The following FECH variants were observed in gnomAD, a reference collection of about 807,000 sequenced individuals.
The protein encoded by FECH is ferrochelatase.
A neutral mutation model predicts 56.9 loss-of-function variants in FECH; 40 were observed. The ratio of observed to expected loss-of-function variants is 0.70; its 90% CI spans 0.55 to 0.92. FECH has a LOEUF of 0.92. Ranked by LOEUF, FECH falls within the 40% of genes least tolerant of loss-of-function variation. The pLI is 0.00. For missense variants in FECH, 431 were observed against 529.1 expected, an observed-to-expected ratio of 0.81 and a Z score of 1.82; for synonymous variants, 175 against 198.6, an observed-to-expected ratio of 0.88 and a Z score of 1.00.
intron 2 of FECH, among the ~76,000 whole-genome samples, chr18:57,577,601 C>T (rs930450355): frequency 6.6e-6 from 1 of 152,094 alleles, no homozygotes; most frequent in Non-Finnish European, 1.5e-5. Context: ...GAATGTTGGT[C>T]AAGGTAGTTT....
At chr18:57,576,789 G>A (rs2051191674) in intron 2 of FECH, among the ~76,000 whole-genome samples, 2 of 152,150 alleles carry the variant, frequency 1.3e-5, no homozygotes, top group African/African-American at 4.8e-5. Flanking sequence ...GATGAATAGC[G>A]CATTAGTAAG....
At chr18:57,562,600 G>T (rs1198318999) in intron 6 of FECH, among the ~76,000 whole-genome samples, 2 of 152,092 alleles carry the variant, frequency 1.3e-5, no homozygotes, top group Non-Finnish European at 2.9e-5. Context: ...TGCTCTTCTG[G>T]TCATAGGAAA....
intron 5 of FECH, among the ~76,000 whole-genome samples, chr18:57,564,146 G>A (rs565778950): frequency 1.3e-5 from 2 of 152,292 alleles, no homozygotes; most frequent in South Asian, 2.1e-4. Flanking sequence ...CCAAAGTGCT[G>A]GGATTACAGG....
intron 7 of FECH, among the ~76,000 whole-genome samples, chr18:57,557,134 C>T (rs936946260): frequency 6.6e-6 from 1 of 151,986 alleles, no homozygotes; most frequent in Non-Finnish European, 1.5e-5. Context: ...GGTTTCTCAG[C>T]GTTGGTAACT....
chr18:57,568,746 A>T (rs1247694019), intron 4 of FECH, among the ~76,000 whole-genome samples: 1 of 152,172 alleles, frequency 6.6e-6, no homozygotes, highest in African/African-American at 2.4e-5. Context: ...AACAGCAAAA[A>T]CTTCATTAAT....
At chr18:57,572,598 G>GT (rs1321545875) in intron 3 of FECH, among the ~76,000 whole-genome samples, 9 of 136,962 alleles carry the variant, frequency 6.6e-5, no homozygotes, top group South Asian at 2.5e-4. Flanking sequence ...TGGGGGGGGG[G>GT]GTGTGCATGT....
intron 6 of FECH, 88 bp from the exon 7 acceptor site, chr18:57,559,331 C>T (rs1051338708): frequency 2.1e-5 from 20 of 966,666 alleles, no homozygotes; most frequent in Non-Finnish European, 3.1e-5. Context: ...GAAGCCTACA[C>T]CAAAAATCTC....
rs535120428 is a variant in FECH, at chr18:57,575,927, C to T, written c.195-2562G>A. Among the ~76,000 whole-genome samples, 203 of 152,272 alleles carry T rather than the reference C, an allele frequency of 1.3e-3. 2 individuals are homozygous for T. Among genetic ancestry groups the T allele is most frequent in the African/African-American group, 4.6e-3 (193 of 41,546 alleles). On this transcript the variant is annotated intron_variant, in intron 2 of 10. Coordinates refer to ENST00000262093, the MANE Select transcript of FECH (RefSeq NM_000140.5). ...AATTCCTGGGGAAGGAGAAATATGG[C>T]ATTACAATGAGATCAGGGATTTTCT...
intron 8 of FECH, 109 bp downstream of exon 8, chr18:57,554,736 T>G: frequency 1.1e-6 from 1 of 896,812 alleles, no homozygotes; most frequent in Non-Finnish European, 1.8e-6. Context: ...AGCAATCAGG[T>G]TATGGAAGAG....
chr18:57,566,580 G>A lies in FECH; in HGVS notation c.465C>T (p.Ala155=). The change falls in exon 5 of 11, where the codon GCC becomes GCT. Residue 155 remains alanine, a splice_region_variant and synonymous_variant. Coordinates refer to ENST00000262093, the MANE Select transcript of FECH (RefSeq NM_000140.5). ...GAAATCCAATATAGTATTTGTGAGG[G>A]GCTATTAGGAAGCACATGTGGAAAG... The part of the protein sequence containing the change: ...KLLDELSPNT[A]PHKYYIGFRY... The A allele has an allele frequency of 6.2e-7, 1 of 1,614,058 alleles. No homozygotes were observed. The highest frequency in any genetic ancestry group is 8.5e-7 in the Non-Finnish European group (1 of 1,179,980).
At chr18:57,559,951 G>A (rs148031819) in intron 6 of FECH, among the ~76,000 whole-genome samples, 86 of 152,246 alleles carry the variant, frequency 5.6e-4, no homozygotes, top group African/African-American at 1.8e-3. Flanking sequence ...TCGTCTAGCC[G>A]GCACTTTGAT....
At chr18:57,556,328 A>T (rs1184740204) in intron 7 of FECH, among the ~76,000 whole-genome samples, 1 of 152,180 alleles carries the variant, frequency 6.6e-6, no homozygotes, top group Non-Finnish European at 1.5e-5. Context: ...TATTGTCTTA[A>T]AGTATCTCCT....
rs3760611 is a variant in FECH at position 57,550,378 on chromosome 18, G to A, written c.*334C>T. 6 of 306,124 alleles carry A rather than the reference G, an allele frequency of 2.0e-5. No individual in the cohort carries two copies. The East Asian group carries it at 4.7e-4, about 24-fold the overall frequency. 19.0% of individuals were successfully genotyped at this position (306,124 alleles called of 1,614,324 possible). A position where few individuals can be genotyped will look rare whatever the true frequency, so the allele number is the denominator to read the frequency against. The stretch of plus-strand genomic sequence containing the variant: ...GAGGGGACTCTCCGTACCCTTTCAG[G>A]AGGGTTTTGGGCAATAAAGCCAAAA... On this transcript the variant is annotated 3_prime_UTR_variant, in exon 11 of 11. Coordinates refer to ENST00000262093, the MANE Select transcript of FECH (RefSeq NM_000140.5).
At chr18:57,584,385 A>G (rs2051334787) in intron 1 of FECH, among the ~76,000 whole-genome samples, 1 of 151,820 alleles carries the variant, frequency 6.6e-6, no homozygotes, top group South Asian at 2.1e-4. Flanking sequence ...GACAAATCCA[A>G]TAGGTGATCA....
At chr18:57,560,006 T>C (rs1209470922) in intron 6 of FECH, among the ~76,000 whole-genome samples, 3 of 152,218 alleles carry the variant, frequency 2.0e-5, no homozygotes, top group Admixed American at 6.5e-5. Context: ...GGGGCTTTCT[T>C]TCGTCTTATA....
chr18:57,579,035 G>C (rs2051226247), intron 2 of FECH, among the ~76,000 whole-genome samples: 1 of 151,908 alleles, frequency 6.6e-6, no homozygotes, highest in South Asian at 2.1e-4. Flanking sequence ...ATCACTTGAA[G>C]TCAGGAGTTT....
At chr18:57,554,123 T>C in intron 9 of FECH, 137 bp downstream of exon 9, 1 of 913,504 alleles carries the variant, frequency 1.1e-6, no homozygotes, top group East Asian at 2.4e-5. Context: ...GATGAAGTAT[T>C]ATTCAGGAGA....
At chr18:57,584,601 C>T (rs961795932) in intron 1 of FECH, among the ~76,000 whole-genome samples, 2 of 151,822 alleles carry the variant, frequency 1.3e-5, no homozygotes, top group African/African-American at 4.8e-5. Flanking sequence ...TATAATGGCA[C>T]TTTTCTATCA....
intron 9 of FECH, among the ~76,000 whole-genome samples, chr18:57,552,576 T>C (rs1218299892): frequency 6.6e-6 from 1 of 151,642 alleles, no homozygotes; most frequent in Non-Finnish European, 1.5e-5. Context: ...AAGTTTTGTA[T>C]TTTAGTAGAG....
Sources: gnomAD v4.1 joint callset for allele counts (sites outside exome capture counted in the v4.1 genomes callset) on GRCh38, gnomAD v4.1.1 for gene constraint, MANE v1.5 for transcripts, NCBI Gene and HGNC (gene_info 2026-07-23, HGNC 2026-07-21) for gene names.